Variants in DAB2IP observed in about 807,000 individuals in gnomAD.
DAB2IP encodes disabled homolog 2-interacting protein.
Under a neutral mutation model 107.2 loss-of-function variants are expected in DAB2IP, and 28 were observed. The observed-to-expected ratio is 0.26, with a 90% confidence interval of 0.19 to 0.36. DAB2IP has a LOEUF of 0.36. Among genes scored for constraint, DAB2IP ranks in the 10% least tolerant of loss-of-function variants. The pLI is 1.00. For synonymous variants in DAB2IP, 755 were observed against 706.4 expected, an observed-to-expected ratio of 1.07 and a Z score of -1.09; for missense variants, 1,400 against 1,644.7, an observed-to-expected ratio of 0.85 and a Z score of 2.57.
At chr9:121,783,150 C>T in exon 16 of DAB2IP, 1 of 869,458 alleles carries the variant, frequency 1.2e-6, no homozygotes, top group Non-Finnish European at 1.4e-6. Flanking sequence ...CTGAACCTGT[C>T]CCCAGAGCAC....
chr9:121,779,005 T>TCCTA, intron 14 of DAB2IP, among the ~76,000 whole-genome samples: 1 of 152,348 alleles, frequency 6.6e-6, no homozygotes, highest in Non-Finnish European at 1.5e-5. Flanking sequence ...TCTCTGGGAT[T>TCCTA]CCTAGCACAC....
chr9:121,785,047 C>T (rs537760520), exon 16 of DAB2IP: 23 of 152,778 alleles, frequency 1.5e-4, no homozygotes, highest in African/African-American at 5.3e-4. Flanking sequence ...CCACGCCCTC[C>T]CTGCTAGCAC....
chr9:121,638,781 C>T (rs1384047092), intron 1 of DAB2IP, among the ~76,000 whole-genome samples: 1 of 152,160 alleles, frequency 6.6e-6, no homozygotes, highest in Non-Finnish European at 1.5e-5. Flanking sequence ...TGGCGATGCC[C>T]TGGTTCTGGG....
chr9:121,682,692 A>G (rs539720151), intron 2 of DAB2IP, among the ~76,000 whole-genome samples: 2 of 152,342 alleles, frequency 1.3e-5, no homozygotes, highest in African/African-American at 2.4e-5. Flanking sequence ...AAGGCAGCGT[A>G]CAGTTCAGGC....
At chr9:121,615,030 G>A (rs1564701707) in intron 1 of DAB2IP, among the ~76,000 whole-genome samples, 3 of 152,076 alleles carry the variant, frequency 2.0e-5, no homozygotes, top group Non-Finnish European at 4.4e-5. Flanking sequence ...CACCGTGCTG[G>A]GCCTCTTTTC....
chr9:121,768,447 G>A lies in DAB2IP; in HGVS notation c.1713G>A (p.Glu571=), dbSNP rs769835130. ...CTCTCTCCAGATTTGGCAGCAAGGAGGAATACATGTCCTTCATGAACCAGT... is the reference window on the plus strand; with the variant it reads ...CTCTCTCCAGATTTGGCAGCAAGGAAGAATACATGTCCTTCATGAACCAGT... The change falls in exon 10 of 16, where the codon GAG becomes GAA. Residue 571 remains glutamate (E), a synonymous_variant. Transcript: ENST00000408936. The A allele has an allele frequency of 2.5e-6, 4 of 1,614,214 alleles. No individual in the cohort carries two copies. The African/African-American group carries it at 4.0e-5, about 16-fold the overall frequency.
chr9:121,649,557 G>A (rs1175155743), upstream of DAB2IP, among the ~76,000 whole-genome samples: 1 of 152,122 alleles, frequency 6.6e-6, no homozygotes, highest in African/African-American at 2.4e-5. Context: ...AAACAAAATG[G>A]GCCAGATGAA....
chr9:121,751,176 C>T (rs960360786), intron 3 of DAB2IP: 7 of 176,426 alleles, frequency 4.0e-5, no homozygotes, highest in Admixed American at 3.3e-4. Flanking sequence ...CCCTGCCCGG[C>T]TGCTATGGAC....
intron 1 of DAB2IP, among the ~76,000 whole-genome samples, chr9:121,590,462 T>C (rs1487276368): frequency 6.6e-6 from 1 of 152,026 alleles, no homozygotes. Context: ...ACCCAGGATC[T>C]GGAATCAAAC....
intron 1 of DAB2IP, among the ~76,000 whole-genome samples, chr9:121,616,417 T>C (rs1831279317): frequency 6.6e-6 from 1 of 152,190 alleles, no homozygotes; most frequent in Non-Finnish European, 1.5e-5. Flanking sequence ...TTTTGGTAAT[T>C]CAGAGCTTCT....
rs1831991559 is a variant in DAB2IP at position 121,634,114 on chromosome 9, A to T, written c.41-44564A>T. ...GTGTCAGAGCCCTCTCAGGACACAA[A>T]GGGACACAGTTCTTGAAGGGTCCTC... On this transcript the variant is annotated intron_variant, in intron 1 of 16. Coordinates refer to the DAB2IP transcript ENST00000259371. This position sits in a 1 kb window ranked among gnomAD's most constrained non-coding sequence, Gnocchi z 4.7. Among the ~76,000 whole-genome samples, 1 of 152,170 alleles carries T rather than the reference A, an allele frequency of 6.6e-6. No homozygotes were observed. The highest frequency in any genetic ancestry group is 2.4e-5 in the African/African-American group (1 of 41,436).
At chr9:121,694,945 C>G (rs1204015045) in intron 2 of DAB2IP, among the ~76,000 whole-genome samples, 1 of 152,106 alleles carries the variant, frequency 6.6e-6, no homozygotes, top group East Asian at 1.9e-4. Context: ...GGGACATGGG[C>G]TGCTTTAATA....
intron 3 of DAB2IP, among the ~76,000 whole-genome samples, chr9:121,725,671 G>T (rs1831204642): frequency 1.3e-5 from 2 of 152,224 alleles, no homozygotes; most frequent in Non-Finnish European, 2.9e-5. Flanking sequence ...CTCAAGGAAG[G>T]CTCCACTGAG....
At chr9:121,572,613 G>A (rs1472066517) in intron 1 of DAB2IP, among the ~76,000 whole-genome samples, 3 of 152,152 alleles carry the variant, frequency 2.0e-5, no homozygotes, top group African/African-American at 7.2e-5. Context: ...TTATTGGGTG[G>A]CCTGGACCAA....
chr9:121,734,104 G>A (rs1041914610), intron 3 of DAB2IP, among the ~76,000 whole-genome samples: 1 of 140,684 alleles, frequency 7.1e-6, no homozygotes, highest in Non-Finnish European at 1.5e-5. Context: ...TGGGCCGGGC[G>A]CGGTGGCTCA....
At chr9:121,661,972 C>A (rs1371030912) in intron 1 of DAB2IP, among the ~76,000 whole-genome samples, 3 of 151,298 alleles carry the variant, frequency 2.0e-5, no homozygotes, top group African/African-American at 7.3e-5. Flanking sequence ...CAGAGTAAGA[C>A]CCTGTCTCGA....
intron 3 of DAB2IP, among the ~76,000 whole-genome samples, chr9:121,706,903 CGGGA>C (rs1379695057): frequency 3.3e-5 from 5 of 152,198 alleles, no homozygotes; most frequent in African/African-American, 4.8e-5. Context: ...TGAAAACCTA[CGGGA>C]GGGAGAGGGA....
rs984064405 is a variant in DAB2IP, at chr9:121,701,466, G to A, written c.362+2008G>A. On this transcript the variant is annotated intron_variant, in intron 3 of 15. Transcript: ENST00000408936. This position sits in a 1 kb window ranked among gnomAD's most constrained non-coding sequence, Gnocchi z 4.7. ...GTTGGAGCAGAATGTCACTGGCAGC[G>A]GTGTGGAATTGTCTTATTAATTTTC... Among the ~76,000 whole-genome samples the A allele has an allele frequency of 3.3e-5, 5 of 152,200 alleles. No individual in the cohort carries two copies. Among genetic ancestry groups the A allele is most frequent in the Admixed American group, 2.0e-4 (3 of 15,282 alleles).
intron 3 of DAB2IP, among the ~76,000 whole-genome samples, chr9:121,742,112 G>A (rs1832393645): frequency 6.6e-6 from 1 of 152,108 alleles, no homozygotes; most frequent in Admixed American, 6.5e-5. Flanking sequence ...ACGCCTCCTG[G>A]CCTTGGCTTT....
Sources: allele counts gnomAD v4.1 joint callset (sites outside exome capture counted in the v4.1 genomes callset), GRCh38; gene constraint gnomAD v4.1.1; non-coding constraint Gnocchi (gnomAD v3.1); transcripts MANE v1.5; gene names NCBI Gene and HGNC (gene_info 2026-07-23, HGNC 2026-07-21).